B3GAT3: variants seen among roughly 807,000 people sequenced by gnomAD.
B3GAT3 encodes the protein galactosylgalactosylxylosylprotein 3-beta-glucuronosyltransferase 3.
In B3GAT3, 19 loss-of-function variants were observed where a neutral mutation model predicts 33.1. The observed-to-expected ratio is 0.57, with a 90% CI of 0.40 to 0.84. The LOEUF is 0.84. Ranked by LOEUF, B3GAT3 falls within the 40% of genes least tolerant of loss-of-function variation. B3GAT3 has a pLI of 0.00. For missense variants in B3GAT3, 344 were observed against 441.5 expected (o/e 0.78, Z 1.98); for synonymous variants, 167 against 193.5 (o/e 0.86, Z 1.14).
At chr11:62,616,292 G>T in intron 4 of B3GAT3, 1 of 685,144 alleles carries the variant, frequency 1.5e-6, no homozygotes, top group Non-Finnish European at 2.5e-6. Context: ...CATCCTCTCT[G>T]TGCCACATGG....
At chr11:62,621,845 C>T (rs745740475) in intron 1 of B3GAT3, 21 bp downstream of exon 1, 2 of 1,604,660 alleles carry the variant, frequency 1.2e-6, no homozygotes, top group African/African-American at 1.3e-5. Flanking sequence ...GCCCGCCGCA[C>T]CCCCGCCCCG....
intron 4 of B3GAT3, chr11:62,616,230 C>T (rs1473382256): frequency 7.1e-6 from 4 of 560,538 alleles, no homozygotes; most frequent in South Asian, 2.0e-5. Context: ...GGTGACACAG[C>T]GAGACTCTGT....
Position 62,617,177 on chromosome 11 carries a change from T to C in B3GAT3, c.428A>G (p.Gln143Arg). The C allele has an allele frequency of 6.2e-7, 1 of 1,613,942 alleles. No individual in the cohort carries two copies. Among genetic ancestry groups the C allele is most frequent in the Non-Finnish European group, 8.5e-7 (1 of 1,179,972 alleles). The change falls in exon 3 of 5, where the codon CAG (glutamine) becomes CGG (arginine). Residue 143 changes from glutamine to arginine, a missense_variant. By Grantham distance (43) the Gln-to-Arg change is conservative. Transcript: ENST00000265471. ...THLVVLTPKAQRLREGEPGWV... is the reference protein window; with the variant it reads ...THLVVLTPKARRLREGEPGWV... Reference sequence around the variant, plus strand: ...GCCAGGCTCGCCCTCCCGAAGCCGCTGGGCTTTGGGCGTGAGGACCACCAG... The same window carrying C: ...GCCAGGCTCGCCCTCCCGAAGCCGCCGGGCTTTGGGCGTGAGGACCACCAG...
At position 62,615,645 on chromosome 11, in the gene B3GAT3, C is replaced by T; in HGVS notation, c.*56G>A. The T allele has an allele frequency of 1.3e-6, 2 of 1,586,314 alleles. No individual in the cohort carries two copies. Among genetic ancestry groups the T allele is most frequent in the Non-Finnish European group, 1.7e-6 (2 of 1,168,140 alleles). ...AACCACATCCTGGGCAGGCCTGGGG[C>T]CCAGTCCCACAAGGTCTGTGCCTGA... On this transcript the variant is annotated 3_prime_UTR_variant, in exon 5 of 5. Coordinates refer to ENST00000265471, the MANE Select transcript of B3GAT3 (RefSeq NM_012200.4).
intron 4 of B3GAT3, 170 bp downstream of exon 4, chr11:62,616,336 C>G: frequency 1.0e-6 from 1 of 982,178 alleles, no homozygotes; most frequent in Admixed American, 2.1e-5. Context: ...GGCAGGAGAC[C>G]ACTTTCCCCC....
At chr11:62,621,065 C>CAGT in intron 1 of B3GAT3, 1 of 471,824 alleles carries the variant, frequency 2.1e-6, no homozygotes, top group South Asian at 1.5e-5. Context: ...CTGAGGATAA[C>CAGT]GCAGTGGCAC....
intron 4 of B3GAT3, chr11:62,616,219 G>A (rs1033587375): frequency 3.0e-5 from 17 of 565,522 alleles, no homozygotes; most frequent in African/African-American, 2.1e-4. Flanking sequence ...ACTCCAGCCT[G>A]GGTGACACAG....
At chr11:62,616,436 T>A (rs1943028250) in intron 4 of B3GAT3, 70 bp downstream of exon 4, 2 of 1,601,688 alleles carry the variant, frequency 1.2e-6, no homozygotes, top group Non-Finnish European at 1.7e-6. Flanking sequence ...ATTCCCAGGG[T>A]CTCACTGTAC....
Position 62,616,998 on chromosome 11 carries a change from G to T in B3GAT3, c.607C>A (p.Leu203Met). The T allele has an allele frequency of 6.2e-7, 1 of 1,614,168 alleles. No homozygotes were observed. The highest frequency in any genetic ancestry group is 8.5e-7 in the Non-Finnish European group (1 of 1,180,040). Residue 203 changes from leucine to methionine, a missense_variant, in exon 3 of 5, where the codon CTG (leucine) becomes ATG (methionine). Coordinates refer to ENST00000265471, the MANE Select transcript of B3GAT3 (RefSeq NM_012200.4). ...ATCCTGGTGCTCACCTCCTCAAACAGCTCCCGGCTGTAGGTGTTGTCATCG... is the reference window on the plus strand; with the variant it reads ...ATCCTGGTGCTCACCTCCTCAAACATCTCCCGGCTGTAGGTGTTGTCATCG... ...ADDDNTYSRE[L>M]FEEMRWTRGV...
rs756954228 is a variant in B3GAT3, at chr11:62,621,833, C to T, written c.82+33G>A. On this transcript the variant is annotated intron_variant, in intron 1 of 4. Transcript: ENST00000265471. Reference sequence around the variant, plus strand: ...TGCACGGCGGCGGGCGCCCTCGGGCCAGCCCGCCGCACCCCCGCCCCGCCC... The same window carrying T: ...TGCACGGCGGCGGGCGCCCTCGGGCTAGCCCGCCGCACCCCCGCCCCGCCC... The T allele has an allele frequency of 1.9e-6, 3 of 1,592,600 alleles. No homozygotes were observed. The African/African-American group carries it at 4.1e-5, about 22-fold the overall frequency.
chr11:62,616,934 C>G (rs987752881), intron 3 of B3GAT3, 53 bp downstream of exon 3: 4 of 1,613,610 alleles, frequency 2.5e-6, no homozygotes, highest in African/African-American at 1.3e-5. Context: ...ACCAAGGTAA[C>G]GAATGAAGCT....
intron 2 of B3GAT3, among the ~76,000 whole-genome samples, chr11:62,618,043 G>A (rs1943067519): frequency 6.6e-6 from 1 of 151,966 alleles, no homozygotes; most frequent in African/African-American, 2.4e-5. Flanking sequence ...CAGGCATGGT[G>A]GCAGTCACCT....
intron 1 of B3GAT3, 63 bp downstream of exon 1, chr11:62,621,803 C>T: frequency 2.3e-6 from 3 of 1,315,928 alleles, no homozygotes; most frequent in South Asian, 1.3e-5. Context: ...ATCCCCAGGG[C>T]GGGATGCACG....
At chr11:62,615,906 C>A in intron 4 of B3GAT3, 107 bp from the exon 5 acceptor site, 1 of 1,542,122 alleles carries the variant, frequency 6.5e-7, no homozygotes. Flanking sequence ...ACAGTATAGG[C>A]TTCAAAGTGT....
rs377340567 is a variant in B3GAT3 at position 62,616,742 on chromosome 11, G to A, written c.673C>T (p.Arg225Ter). 8.1e-6 allele frequency: 13 copies of A among 1,613,878 alleles called. No homozygotes were observed. The highest frequency in any genetic ancestry group is 1.1e-5 in the South Asian group (1 of 91,066). ...TCCTGTACCTGAGGGCCCTCGAATC[G>A]CAGGCCGCCCACCAGCCCCACAGGC... is the stretch of plus-strand genomic sequence containing the variant. Reference protein sequence around the residue: ...VWPVGLVGGLRFEGPQVQDGR... With the variant: ...VWPVGLVGGL The change falls in exon 4 of 5, where the codon CGA becomes TGA. Residue 225 changes from arginine to a stop codon, truncating the protein, a stop_gained. Coordinates refer to ENST00000265471, the MANE Select transcript of B3GAT3 (RefSeq NM_012200.4). LOFTEE classifies it high-confidence loss of function.
Position 62,617,004 on chromosome 11 carries a change from G to C in B3GAT3, c.601C>G (p.Arg201Gly). 1 of 1,614,168 alleles carries C rather than the reference G, an allele frequency of 6.2e-7. No individual in the cohort carries two copies. The highest frequency in any genetic ancestry group is 8.5e-7 in the Non-Finnish European group (1 of 1,180,026). ...YFADDDNTYSRELFEEMRWTR... is the reference protein window; with the variant it reads ...YFADDDNTYSGELFEEMRWTR... ...GTGCTCACCTCCTCAAACAGCTCCC[G>C]GCTGTAGGTGTTGTCATCGTCAGCA... is the stretch of plus-strand genomic sequence containing the variant. Residue 201 changes from arginine to glycine, a missense_variant, in exon 3 of 5, where the codon CGG (arginine) becomes GGG (glycine). Arg to Gly is a moderately radical substitution (Grantham distance 125, BLOSUM62 -2). Transcript: ENST00000265471.
rs1306995115 is a variant in B3GAT3, at chr11:62,616,372, A to G, written c.909+134T>C. On this transcript the variant is annotated intron_variant, in intron 4 of 4. Coordinates refer to ENST00000265471, the MANE Select transcript of B3GAT3 (RefSeq NM_012200.4). The stretch of plus-strand genomic sequence containing the variant: ...GCTAGTTCCCAGCTTCCCCTTCAGT[A>G]GAGTCAGCAAGGCTGATCAGAGATC... 71 of 1,309,076 alleles carry G rather than the reference A, an allele frequency of 5.4e-5. No individual in the cohort carries two copies. In the East Asian group the frequency reaches 1.5e-3, roughly 28 times the overall value. The allele number at this position is 1,309,076 out of a possible 1,614,324, so 81.1% of individuals were successfully genotyped here.
At chr11:62,616,285 C>T in intron 4 of B3GAT3, 1 of 663,404 alleles carries the variant, frequency 1.5e-6, no homozygotes, top group Non-Finnish European at 2.6e-6. Context: ...ATTCCTTCAT[C>T]CTCTCTGTGC....
At chr11:62,616,169 G>A (rs1387216377) in intron 4 of B3GAT3, 16 of 532,756 alleles carry the variant, frequency 3.0e-5, no homozygotes, top group African/African-American at 3.8e-5. Context: ...GTGTGAACCC[G>A]GGAGGCGGAG....
Sources: allele counts gnomAD v4.1 joint callset (sites outside exome capture counted in the v4.1 genomes callset), GRCh38; gene constraint gnomAD v4.1.1; transcripts MANE v1.5; gene names NCBI Gene and HGNC (gene_info 2026-07-23, HGNC 2026-07-21).